CPLANE1: variants seen among roughly 807,000 people sequenced by gnomAD.
CPLANE1 encodes ciliogenesis and planar polarity effector complex subunit 1.
CPLANE1 carries 263 observed loss-of-function variants against 362.5 expected under a neutral mutation model. The ratio of observed to expected loss-of-function variants is 0.73; its 90% CI spans 0.66 to 0.80. The LOEUF (loss-of-function observed/expected upper bound fraction) is 0.80. CPLANE1 is among the 30% of genes least tolerant of loss of function. CPLANE1 has a pLI of 0.00. For synonymous variants in CPLANE1, 1,212 were observed against 1,302.6 expected, an observed-to-expected ratio of 0.93 and a Z score of 1.50; for missense variants, 3,461 against 3,793.4, an observed-to-expected ratio of 0.91 and a Z score of 2.30.
At chr5:37,172,566 T>C (rs1043632949) in intron 32 of CPLANE1, among the ~76,000 whole-genome samples, 1 of 152,122 alleles carries the variant, frequency 6.6e-6, no homozygotes, top group African/African-American at 2.4e-5. Context: ...GAATCAGTGG[T>C]GCTACTAAAC....
At chr5:37,111,605 A>AT (rs1220561540) in intron 51 of CPLANE1, among the ~76,000 whole-genome samples, 2 of 152,084 alleles carry the variant, frequency 1.3e-5, no homozygotes, top group African/African-American at 4.8e-5. Flanking sequence ...CAGCTTAGGG[A>AT]TTTTTCTTTT....
intron 23 of CPLANE1, among the ~76,000 whole-genome samples, chr5:37,186,787 C>T (rs1013965460): frequency 1.3e-5 from 2 of 152,078 alleles, no homozygotes; most frequent in Non-Finnish European, 2.9e-5. Context: ...TAGCCCGGCG[C>T]GGTGGCTCAC....
chr5:37,229,692 T>C (rs758712275), intron 9 of CPLANE1, among the ~76,000 whole-genome samples: 1 of 152,168 alleles, frequency 6.6e-6, no homozygotes, highest in Non-Finnish European at 1.5e-5. Flanking sequence ...TAGCCACATA[T>C]AATCAACATC....
At chr5:37,127,440 T>A (rs978084714) in intron 46 of CPLANE1, among the ~76,000 whole-genome samples, 3 of 152,136 alleles carry the variant, frequency 2.0e-5, no homozygotes, top group Non-Finnish European at 4.4e-5. Context: ...AATATACCGA[T>A]GAATATTACC....
chr5:37,083,124 G>A, the CPLANE1 span, among the ~76,000 whole-genome samples: 4 of 152,176 alleles, frequency 2.6e-5, no homozygotes, highest in African/African-American at 9.7e-5. Context: ...ACAACCCCCA[G>A]TACCGGCCTG....
intron 28 of CPLANE1, 108 bp from the exon 29 acceptor site, chr5:37,179,551 T>TA: frequency 1.4e-6 from 1 of 692,036 alleles, no homozygotes; most frequent in Non-Finnish European, 2.5e-6. Context: ...GACAGAAATA[T>TA]TTTCTATCCT....
At chr5:37,083,530 T>C in the CPLANE1 span, among the ~76,000 whole-genome samples, 1 of 151,750 alleles carries the variant, frequency 6.6e-6, no homozygotes, top group Non-Finnish European at 1.5e-5. Context: ...ACCAAAAAAA[T>C]GATACAAGAA....
Position 37,125,274 on chromosome 5 carries a change from T to C in CPLANE1, c.8928A>G (p.Glu2976=), listed in dbSNP as rs376978267. 5.6e-6 allele frequency: 9 copies of C among 1,613,936 alleles called. No individual in the cohort carries two copies. Among genetic ancestry groups the C allele is most frequent in the Non-Finnish European group, 7.6e-6 (9 of 1,179,990 alleles). The change falls in exon 47 of 53, where the codon GAA becomes GAG. Residue 2976 remains glutamate (E), a synonymous_variant. Transcript: ENST00000651892. ...LNELAEKRGQ[E]HDPFCPRSNP... ...TGCTTCTGGGACAGAAAGGATCATGTTCTTGCCCTCTCTTTTCTGCCAGCT... is the reference window on the plus strand; with the variant it reads ...TGCTTCTGGGACAGAAAGGATCATGCTCTTGCCCTCTCTTTTCTGCCAGCT...
intron 43 of CPLANE1, among the ~76,000 whole-genome samples, chr5:37,143,826 T>A (rs924452532): frequency 6.6e-6 from 1 of 151,708 alleles, no homozygotes; most frequent in African/African-American, 2.4e-5. Flanking sequence ...TCACAGCTAC[T>A]TGGAAGGCTG....
intron 34 of CPLANE1, among the ~76,000 whole-genome samples, chr5:37,168,465 T>A (rs1778889994): frequency 6.6e-6 from 1 of 151,042 alleles, no homozygotes; most frequent in Non-Finnish European, 1.5e-5. Flanking sequence ...GTCCAGTAAA[T>A]TCCAGTATTG....
At chr5:37,143,916 C>G (rs9637791) in intron 43 of CPLANE1, among the ~76,000 whole-genome samples, 26,615 of 135,242 alleles carry the variant, frequency 0.2, 2,830 homozygotes, top group East Asian at 0.36. Flanking sequence ...GCCTGGACAA[C>G]AAGAGCAAAA....
chr5:37,231,120 G>A (rs1797637479), intron 8 of CPLANE1, 71 bp from the exon 9 acceptor site: 2 of 1,150,128 alleles, frequency 1.7e-6, no homozygotes, highest in Non-Finnish European at 2.3e-6. Flanking sequence ...AAAATGGGCT[G>A]TACCAAGCAG....
At chr5:37,207,058 C>G (rs1424549782) in intron 16 of CPLANE1, among the ~76,000 whole-genome samples, 1 of 152,184 alleles carries the variant, frequency 6.6e-6, no homozygotes, top group Non-Finnish European at 1.5e-5. Flanking sequence ...AATAAGATTG[C>G]CATCTGGCCT....
intron 24 of CPLANE1, 139 bp from the exon 25 acceptor site, chr5:37,185,218 T>C (rs1449730860): frequency 1.4e-6 from 1 of 693,110 alleles, no homozygotes; most frequent in East Asian, 2.8e-5. Context: ...TTACTGGTCG[T>C]GTTTTCTTCA....
intron 14 of CPLANE1, among the ~76,000 whole-genome samples, chr5:37,221,790 T>A (rs1241163730): frequency 6.6e-6 from 1 of 152,132 alleles, no homozygotes; most frequent in African/African-American, 2.4e-5. Context: ...TCCTATCTTA[T>A]ATTTTTTTAG....
At chr5:37,201,527 A>T (rs1789182334) in intron 19 of CPLANE1, 64 bp downstream of exon 19, 2 of 1,341,952 alleles carry the variant, frequency 1.5e-6, no homozygotes, top group South Asian at 2.6e-5. Context: ...TATCAAGTTA[A>T]TTATTTTAAA....
chr5:37,160,573 A>G (rs1170277144), intron 38 of CPLANE1, among the ~76,000 whole-genome samples: 3 of 152,130 alleles, frequency 2.0e-5, no homozygotes, highest in African/African-American at 7.2e-5. Context: ...TCTCAAAAAA[A>G]AAAAAAATGT....
At chr5:37,241,943 G>A (rs1800620239) in intron 6 of CPLANE1, among the ~76,000 whole-genome samples, 1 of 151,790 alleles carries the variant, frequency 6.6e-6, no homozygotes, top group Admixed American at 6.6e-5. Flanking sequence ...ATTTGTTCAT[G>A]TTACTTCATG....
intron 52 of CPLANE1, among the ~76,000 whole-genome samples, chr5:37,108,038 G>A (rs144332587): frequency 7.6e-4 from 116 of 152,300 alleles, no homozygotes; most frequent in Non-Finnish European, 1.0e-3. Context: ...GATACTTGTA[G>A]TACGATTTTA....
Sources: gnomAD v4.1 joint callset for allele counts (sites outside exome capture counted in the v4.1 genomes callset) on GRCh38, gnomAD v4.1.1 for gene constraint, MANE v1.5 for transcripts, NCBI Gene and HGNC (gene_info 2026-07-23, HGNC 2026-07-21) for gene names.